GGPS1: variants seen among roughly 807,000 people sequenced by gnomAD.
GGPS1 encodes the protein geranylgeranyl pyrophosphate synthase.
GGPS1 carries 15 observed loss-of-function variants against 28.1 expected under a neutral mutation model. The ratio of observed to expected loss-of-function variants is 0.53; its 90% CI spans 0.36 to 0.82. The LOEUF is 0.82. GGPS1 is among the 40% of genes least tolerant of loss of function. The pLI is 0.01. For missense variants in GGPS1, 284 were observed against 348.3 expected, an observed-to-expected ratio of 0.82 and a Z score of 1.47; for synonymous variants, 138 against 122.4, an observed-to-expected ratio of 1.13 and a Z score of -0.84.
At chr1:235,328,217 T>A (rs1257143671), upstream of GGPS1, 1 of 126,682 alleles carries the variant, frequency 7.9e-6, no homozygotes, top group Non-Finnish European at 1.7e-5. Context: ...TCCCCCCCTT[T>A]CTCCCCTCCC....
At chr1:235,327,619 C>A (rs1047773265), upstream of GGPS1, 1 of 152,260 alleles carries the variant, frequency 6.6e-6, no homozygotes. Context: ...ACAGCGGCTG[C>A]GGGGGGTGGG....
At chr1:235,328,139 G>A (rs1420120278), upstream of GGPS1, 1 of 153,008 alleles carries the variant, frequency 6.5e-6, no homozygotes, top group African/African-American at 2.4e-5. Flanking sequence ...CTCCGCTTCG[G>A]CGACCGAGCT....
intron 1 of GGPS1, 82 bp from the exon 2 acceptor site, chr1:235,335,160 C>A: frequency 4.6e-6 from 3 of 657,450 alleles, no homozygotes; most frequent in South Asian, 3.6e-5. Flanking sequence ...TTCACAAACA[C>A]CCTGCAATAC....
At chr1:235,329,363 A>C (rs1675607968) in intron 1 of GGPS1, 1 of 152,260 alleles carries the variant, frequency 6.6e-6, no homozygotes, top group Non-Finnish European at 1.5e-5. Context: ...GCCTTCGTAG[A>C]CCTGCGCCTG....
chr1:235,332,761 G>A (rs1360072133), intron 1 of GGPS1, among the ~76,000 whole-genome samples: 1 of 152,114 alleles, frequency 6.6e-6, no homozygotes, highest in South Asian at 2.1e-4. Flanking sequence ...TACAGTACTA[G>A]AATTGCCTTA....
rs942650095 is a variant in GGPS1 at position 235,343,925 on chromosome 1, AC to A, written c.*1157del. ...GCTTTTCCTTCCCGCCCACATCACC[AC>A]CCCGACTTGAAGACAGTAGGTGCTT... is the stretch of plus-strand genomic sequence containing the variant. On this transcript the variant is annotated 3_prime_UTR_variant, in exon 4 of 4. Coordinates refer to ENST00000282841, the MANE Select transcript of GGPS1 (RefSeq NM_004837.4). 3 of 166,910 alleles carry A rather than the reference AC, an allele frequency of 1.8e-5. No individual in the cohort carries two copies. The highest frequency in any genetic ancestry group is 7.2e-5 in the African/African-American group (3 of 41,426). The allele number at this position is 166,910 out of a possible 1,614,324, so 10.3% of individuals were successfully genotyped here. A position where few individuals can be genotyped will look rare whatever the true frequency, so the allele number is the denominator to read the frequency against.
chr1:235,331,054 GTAATAGGTTACCTAAATAGGTATTTGCA>G (rs1675700280), intron 1 of GGPS1, among the ~76,000 whole-genome samples: 2 of 152,202 alleles, frequency 1.3e-5, no homozygotes, highest in Non-Finnish European at 2.9e-5. Context: ...AATAGTATAG[GTAATAGGTTACCTAAATAGGTATTTGCA>G]TAATAGGTTA....
At chr1:235,328,163 T>G (rs1312964155), upstream of GGPS1, 1 of 152,906 alleles carries the variant, frequency 6.5e-6, no homozygotes, top group African/African-American at 2.4e-5. Context: ...CACTCCGGAC[T>G]CGACTGACGG....
intron 1 of GGPS1, chr1:235,329,808 G>GA: frequency 6.6e-6 from 1 of 152,250 alleles, no homozygotes; most frequent in Non-Finnish European, 1.5e-5. Context: ...TAGAGGAAGC[G>GA]AAAAAAAGAA....
intron 2 of GGPS1, 65 bp downstream of exon 2, chr1:235,335,399 C>A: frequency 2.7e-6 from 2 of 751,720 alleles, no homozygotes; most frequent in South Asian, 1.6e-5. Flanking sequence ...CAAATGTTAG[C>A]AAATAGAAAA....
At chr1:235,336,932 G>T in intron 2 of GGPS1, 1 of 158,668 alleles carries the variant, frequency 6.3e-6, no homozygotes. Context: ...CCCTAATAGA[G>T]ACTCGCCTGC....
chr1:235,334,214 C>T (rs1414309715), intron 1 of GGPS1, among the ~76,000 whole-genome samples: 2 of 150,870 alleles, frequency 1.3e-5, no homozygotes, highest in Non-Finnish European at 2.9e-5. Flanking sequence ...ATAAAACATA[C>T]TCATCTTAGT....
rs1225523023 is a variant in GGPS1 at position 235,341,767 on chromosome 1, G to T, written c.130G>T (p.Asp44Tyr). 1.3e-6 allele frequency: 2 copies of T among 1,590,982 alleles called. No homozygotes were observed. Among genetic ancestry groups the T allele is most frequent in the Admixed American group, 3.3e-5 (2 of 59,914 alleles). The change falls in exon 3 of 4, where the codon GAC becomes TAC. Residue 44 changes from aspartate to tyrosine, a missense_variant. Coordinates refer to ENST00000282841, the MANE Select transcript of GGPS1 (RefSeq NM_004837.4). ...TAATCATTGGCTGAAAGTTCCAGAG[G>T]ACAAGCTACAGGTATTAGGCAACTC... ...AFNHWLKVPE[D>Y]KLQIIIEVTE...
At chr1:235,337,534 G>C (rs1306985345) in intron 2 of GGPS1, among the ~76,000 whole-genome samples, 1 of 152,058 alleles carries the variant, frequency 6.6e-6, no homozygotes, top group Non-Finnish European at 1.5e-5. Context: ...GAGCTTCAGA[G>C]TTACTAAAGT....
At chr1:235,340,246 C>G (rs1175227799) in intron 2 of GGPS1, among the ~76,000 whole-genome samples, 1 of 152,098 alleles carries the variant, frequency 6.6e-6, no homozygotes, top group Non-Finnish European at 1.5e-5. Context: ...GCTGTAGCGG[C>G]CGGATTGCTT....
intron 1 of GGPS1, among the ~76,000 whole-genome samples, chr1:235,331,182 G>T (rs1383397818): frequency 6.6e-6 from 1 of 151,940 alleles, no homozygotes; most frequent in Admixed American, 6.6e-5. Context: ...CGACGTCTTT[G>T]GTATTAATTG....
chr1:235,334,127 A>G (rs1434266872), intron 1 of GGPS1, among the ~76,000 whole-genome samples: 1 of 152,246 alleles, frequency 6.6e-6, no homozygotes, highest in Non-Finnish European at 1.5e-5. Context: ...CGTATTTTAA[A>G]TCAGAAATCT....
chr1:235,339,172 G>A (rs1009314123), intron 2 of GGPS1, among the ~76,000 whole-genome samples: 4 of 151,916 alleles, frequency 2.6e-5, no homozygotes, highest in Non-Finnish European at 5.9e-5. Context: ...AGTGGCGCAC[G>A]ACTGTAATCC....
intron 1 of GGPS1, chr1:235,330,077 A>G (rs1198763037): frequency 6.6e-6 from 1 of 152,216 alleles, no homozygotes; most frequent in Non-Finnish European, 1.5e-5. Context: ...AGTATGTGAT[A>G]GCTGAAATTT....
Sources: allele counts gnomAD v4.1 joint callset (sites outside exome capture counted in the v4.1 genomes callset), GRCh38; gene constraint gnomAD v4.1.1; transcripts MANE v1.5; gene names NCBI Gene and HGNC (gene_info 2026-07-23, HGNC 2026-07-21).